The following HAPLN3 variants were observed in gnomAD, a reference collection of about 807,000 sequenced individuals.
The protein encoded by HAPLN3 is hyaluronan and proteoglycan link protein 3.
In HAPLN3, 28 loss-of-function variants were observed where a neutral mutation model predicts 28.1. The ratio of observed to expected loss-of-function variants is 1.00; its 90% CI spans 0.74 to 1.37. HAPLN3 has a LOEUF of 1.37. HAPLN3 is among the 40% of genes most tolerant of loss of function. The pLI is 0.00. For missense variants in HAPLN3, 513 were observed against 504.6 expected (o/e 1.02, Z -0.16); for synonymous variants, 211 against 213.1 (o/e 0.99, Z 0.09).
chr15:88,882,185 T>C (rs1897724383), intron 2 of HAPLN3, among the ~76,000 whole-genome samples: 1 of 152,156 alleles, frequency 6.6e-6, no homozygotes, highest in Admixed American at 6.5e-5. Flanking sequence ...CTGCCCACCA[T>C]GGGCAGGCAC....
rs979232909 is a variant in HAPLN3 at position 88,881,680 on chromosome 15, G to T, written c.170C>A (p.Thr57Asn). 1.9e-6 allele frequency: 3 copies of T among 1,613,698 alleles called. No homozygotes were observed. Among genetic ancestry groups the T allele is most frequent in the Non-Finnish European group, 2.5e-6 (3 of 1,179,966 alleles). The change falls in exon 3 of 5, where the codon ACC becomes AAC. Residue 57 changes from threonine to asparagine, a missense_variant. Physicochemically the swap from Thr to Asn is moderately conservative, Grantham distance 65. Coordinates refer to ENST00000359595, the MANE Select transcript of HAPLN3 (RefSeq NM_178232.4). This position sits in a 1 kb window ranked among gnomAD's most constrained non-coding sequence, Gnocchi z 6.0. ...ACTGGCCCCTTGGTAGGTGAACAGG[G>T]TCTCCTCGGGTGTCTCCACCACCAG... Reference protein sequence around the residue: ...VKLVVETPEETLFTYQGASVI... With the variant: ...VKLVVETPEENLFTYQGASVI...
chr15:88,877,981 GGTAGCAGTAAACACCGTAC>G lies in HAPLN3; in HGVS notation c.1053_1071del (p.Leu351PhefsTer34), dbSNP rs1567198026. The G allele has an allele frequency of 6.2e-7, 1 of 1,603,670 alleles. No individual in the cohort carries two copies. Among genetic ancestry groups the G allele is most frequent in the Non-Finnish European group, 8.5e-7 (1 of 1,173,760 alleles). On this transcript the variant is annotated frameshift_variant, in exon 5 of 5. Transcript: ENST00000359595. LOFTEE classifies it high-confidence loss of function. The surrounding 1 kb of genome is among the most constrained non-coding windows in gnomAD (Gnocchi z 5.1). ...GAGGGCCCCAGGTCCTAGTGCTGGC[GGTAGCAGTAAACACCGTAC>G]AAGCGGCTCTGCGGGTCGGGGAAGC...
chr15:88,892,454 C>G (rs549728485), intron 1 of HAPLN3, among the ~76,000 whole-genome samples: 1 of 150,764 alleles, frequency 6.6e-6, no homozygotes, highest in Non-Finnish European at 1.5e-5. Flanking sequence ...GAAACTGCAT[C>G]TCAAAAAAAA....
Position 88,878,968 on chromosome 15 carries a change from C to T in HAPLN3, c.795G>A (p.Lys265=). The change falls in exon 4 of 5, where the codon AAG becomes AAA. Residue 265 remains lysine, a splice_region_variant and synonymous_variant. Coordinates refer to ENST00000359595, the MANE Select transcript of HAPLN3 (RefSeq NM_178232.4). ...CCCGCGCTTGGCTATTCCACTCACCCTTGAGGGCAGTAGCGAAGCAGAATA... is the reference window on the plus strand; with the variant it reads ...CCCGCGCTTGGCTATTCCACTCACCTTTGAGGGCAGTAGCGAAGCAGAATA... ...YDVFCFATAL[K]GRVYYLEHPE... The T allele has an allele frequency of 6.2e-7, 1 of 1,607,522 alleles. No homozygotes were observed. The highest frequency in any genetic ancestry group is 1.1e-5 in the South Asian group (1 of 89,802).
At chr15:88,883,328 C>T (rs1897758011) in intron 2 of HAPLN3, among the ~76,000 whole-genome samples, 1 of 152,236 alleles carries the variant, frequency 6.6e-6, no homozygotes, top group Admixed American at 6.5e-5. Flanking sequence ...GCAGTAGGTA[C>T]AGAGGTTTGG....
chr15:88,884,836 A>AGGAGGCAGAGCCTGCAG (rs1388324875), intron 2 of HAPLN3, among the ~76,000 whole-genome samples: 20 of 152,314 alleles, frequency 1.3e-4, no homozygotes, highest in Admixed American at 2.0e-4. Context: ...CACGTGACCA[A>AGGAGGCAGAGCCTGCAG]GGAGGCAGAG....
In HAPLN3 at chr15:88,881,848, C is replaced by A. The variant is rs890794523; in HGVS notation, c.125-123G>T. 5.4e-6 allele frequency: 5 copies of A among 924,540 alleles called. No individual in the cohort carries two copies. In the South Asian group the frequency reaches 8.4e-5, roughly 16 times the overall value. The allele number at this position is 924,540 out of a possible 1,614,324, so 57.3% of individuals were successfully genotyped here. ...AGATTGCAAAAATGGCCACCATGCT[C>A]CACCCCTCCCTGTATCCACATGCTC... On this transcript the variant is annotated intron_variant, in intron 2 of 4. Transcript: ENST00000359595. This position sits in a 1 kb window ranked among gnomAD's most constrained non-coding sequence, Gnocchi z 6.0.
intron 1 of HAPLN3, among the ~76,000 whole-genome samples, chr15:88,891,343 C>A (rs972778014): frequency 3.3e-5 from 5 of 152,152 alleles, no homozygotes; most frequent in African/African-American, 1.2e-4. Flanking sequence ...GTCGCCCAGG[C>A]TGGAGTGCAG....
In HAPLN3 at chr15:88,880,128, A is replaced by C; in HGVS notation, c.494-859T>G. 1.0e-6 allele frequency: 1 copy of C among 992,280 alleles called. No individual in the cohort carries two copies. The highest frequency in any genetic ancestry group is 1.7e-5 in the African/African-American group (1 of 57,426). 61.5% of individuals were successfully genotyped at this position (992,280 alleles called of 1,614,324 possible). A position where few individuals can be genotyped will look rare whatever the true frequency, so the allele number is the denominator to read the frequency against. On this transcript the variant is annotated intron_variant, in intron 3 of 4. Transcript: ENST00000359595. This position sits in a 1 kb window ranked among gnomAD's most constrained non-coding sequence, Gnocchi z 6.0. Reference sequence around the variant, plus strand: ...GGCAGAGAAGCCCATGGGCCCTGACAGTCAGCTTGCAGCCTCTACGTGTGT... The same window carrying C: ...GGCAGAGAAGCCCATGGGCCCTGACCGTCAGCTTGCAGCCTCTACGTGTGT...
chr15:88,881,168 T>A lies in HAPLN3; in HGVS notation c.493+189A>T. ...TACAAGCTGTGTGACCTTAGGTAAG[T>A]TACTTGACCTCTCTGTGCCTCAGTT... On this transcript the variant is annotated intron_variant, in intron 3 of 4. Coordinates refer to ENST00000359595, the MANE Select transcript of HAPLN3 (RefSeq NM_178232.4). This position sits in a 1 kb window ranked among gnomAD's most constrained non-coding sequence, Gnocchi z 6.0. 1 of 701,190 alleles carries A rather than the reference T, an allele frequency of 1.4e-6. No individual in the cohort carries two copies. The allele number at this position is 701,190 out of a possible 1,614,324, so 43.4% of individuals were successfully genotyped here. A position where few individuals can be genotyped will look rare whatever the true frequency, so the allele number is the denominator to read the frequency against.
In HAPLN3 at chr15:88,878,135, A is replaced by C; in HGVS notation, c.918T>G (p.His306Gln). ...AGCCAGCGTCGCAGCGGTCCAGGCC[A>C]TGGAACTTCCAGGCGGCAAAGAGCT... ...VGQLFAAWKFHGLDRCDAGWL... is the reference protein window; with the variant it reads ...VGQLFAAWKFQGLDRCDAGWL... The change falls in exon 5 of 5, where the codon CAT (histidine) becomes CAG (glutamine). Residue 306 changes from histidine to glutamine, a missense_variant. Coordinates refer to ENST00000359595, the MANE Select transcript of HAPLN3 (RefSeq NM_178232.4). The C allele has an allele frequency of 6.2e-7, 1 of 1,614,132 alleles. No individual in the cohort carries two copies.
At chr15:88,890,118 T>C (rs1462893727) in intron 1 of HAPLN3, among the ~76,000 whole-genome samples, 1 of 152,028 alleles carries the variant, frequency 6.6e-6, no homozygotes, top group East Asian at 1.9e-4. Context: ...AGTGATGGGA[T>C]TGTGGAGGAA....
In HAPLN3 at chr15:88,884,629, G is replaced by A. The variant is rs535129163; in HGVS notation, c.124+2546C>T. On this transcript the variant is annotated intron_variant, in intron 2 of 4. Transcript: ENST00000359595. ...AATAAATTCTGAAGGAAAAGGGTGT[G>A]GTGGGCTAAATAATGGCCTCCCAAA... Among the ~76,000 whole-genome samples the A allele has an allele frequency of 7.9e-5, 12 of 152,238 alleles. 1 individual carries two copies. The South Asian group carries it at 2.5e-3, about 32-fold the overall frequency.
Position 88,880,377 on chromosome 15 carries a change from A to G in HAPLN3, c.493+980T>C, listed in dbSNP as rs956797741. ...CCATGTGGACACTGGTGGCAAAGACAGAGAACGCATTTTAAGGACATACAT... is the reference window on the plus strand; with the variant it reads ...CCATGTGGACACTGGTGGCAAAGACGGAGAACGCATTTTAAGGACATACAT... On this transcript the variant is annotated intron_variant, in intron 3 of 4. Transcript: ENST00000359595. The surrounding 1 kb of genome is among the most constrained non-coding windows in gnomAD (Gnocchi z 6.0). 1.3e-5 allele frequency: 15 copies of G among 1,129,990 alleles called. No homozygotes were observed. The African/African-American group carries it at 2.3e-4, about 17-fold the overall frequency. The allele number at this position is 1,129,990 out of a possible 1,614,324, so 70.0% of individuals were successfully genotyped here.
chr15:88,883,171 C>G (rs776179088), intron 2 of HAPLN3, among the ~76,000 whole-genome samples: 8 of 152,222 alleles, frequency 5.3e-5, no homozygotes, highest in African/African-American at 1.9e-4. Flanking sequence ...CCAAGTGTGG[C>G]CCTCGGGCCA....
chr15:88,881,600 C>T lies in HAPLN3; in HGVS notation c.250G>A (p.Val84Met). The T allele has an allele frequency of 2.5e-6, 4 of 1,614,058 alleles. No individual in the cohort carries two copies. The highest frequency in any genetic ancestry group is 1.7e-5 in the Admixed American group (1 of 60,034). The part of the protein sequence containing the change: ...YEPALVSPRR[V>M]RVKWWKLSEN... ...GACAGCTTCCACCATTTGACACGCA[C>T]ACGCCGCGGGGAGACCAGGGCCGGC... The change falls in exon 3 of 5, where the codon GTG becomes ATG. Residue 84 changes from valine (V) to methionine (M), a missense_variant. Val to Met is a conservative substitution (Grantham distance 21). Coordinates refer to ENST00000359595, the MANE Select transcript of HAPLN3 (RefSeq NM_178232.4). This position sits in a 1 kb window ranked among gnomAD's most constrained non-coding sequence, Gnocchi z 6.0.
chr15:88,884,841 G>A (rs1596170169), intron 2 of HAPLN3, among the ~76,000 whole-genome samples: 1 of 152,132 alleles, frequency 6.6e-6, no homozygotes, highest in South Asian at 2.1e-4. Flanking sequence ...GACCAAGGAG[G>A]CAGAGCCTGC....
intron 1 of HAPLN3, among the ~76,000 whole-genome samples, chr15:88,892,466 A>G (rs2141676628): frequency 1.3e-5 from 2 of 152,024 alleles, no homozygotes; most frequent in African/African-American, 4.8e-5. Context: ...CAAAAAAAAA[A>G]GAAAAGAAAA....
intron 2 of HAPLN3, among the ~76,000 whole-genome samples, chr15:88,882,231 G>C (rs892043942): frequency 2.1e-4 from 32 of 152,220 alleles, no homozygotes; most frequent in African/African-American, 7.7e-4. Context: ...TGAAGAAATG[G>C]AGCCCACTCC....
Sources: allele counts gnomAD v4.1 joint callset (sites outside exome capture counted in the v4.1 genomes callset), GRCh38; gene constraint gnomAD v4.1.1; non-coding constraint Gnocchi (gnomAD v3.1); transcripts MANE v1.5; gene names NCBI Gene and HGNC (gene_info 2026-07-23, HGNC 2026-07-21).